The following SRP68 variants were observed in gnomAD, a reference collection of about 807,000 sequenced individuals.
SRP68 encodes signal recognition particle subunit SRP68.
A neutral mutation model predicts 82.2 loss-of-function variants in SRP68; 15 were observed. The observed-to-expected ratio is 0.18, with a 90% CI of 0.12 to 0.28. The LOEUF (loss-of-function observed/expected upper bound fraction) is 0.28. SRP68 is among the 10% of genes least tolerant of loss of function. SRP68 has a pLI of 1.00. For missense variants in SRP68, 595 were observed against 780.5 expected, an observed-to-expected ratio of 0.76 and a Z score of 2.83; for synonymous variants, 261 against 292.6, an observed-to-expected ratio of 0.89 and a Z score of 1.10.
At position 76,040,284 on chromosome 17, in the gene SRP68, A is replaced by T. The variant is rs1417576555; in HGVS notation, c.1656+135T>A. 4 of 837,372 alleles carry T rather than the reference A, an allele frequency of 4.8e-6. No homozygotes were observed. The Admixed American group carries it at 8.8e-5, about 18-fold the overall frequency. 51.9% of individuals were successfully genotyped at this position (837,372 alleles called of 1,614,324 possible). ...AGGAAGCTTTATGCAAGAAGCTTTG[A>T]GGTTGGGTAAGAGAAGGGAGGGAGG... On this transcript the variant is annotated intron_variant, in intron 15 of 15. Transcript: ENST00000307877.
chr17:76,070,345 A>G (rs757061184), intron 2 of SRP68, 33 bp downstream of exon 2: 24 of 1,581,702 alleles, frequency 1.5e-5, no homozygotes, highest in East Asian at 6.7e-5. Flanking sequence ...AAGTCCCACA[A>G]TGATTTCCAA....
chr17:76,044,553 C>A (rs1374745381), intron 12 of SRP68, among the ~76,000 whole-genome samples: 1 of 152,068 alleles, frequency 6.6e-6, no homozygotes, highest in Admixed American at 6.6e-5. Context: ...CTGGCTGGGC[C>A]CCATCGTGCT....
At chr17:76,063,762 A>G (rs2066787011) in intron 4 of SRP68, among the ~76,000 whole-genome samples, 1 of 152,150 alleles carries the variant, frequency 6.6e-6, no homozygotes, top group African/African-American at 2.4e-5. Flanking sequence ...ATTTTATGGA[A>G]TGAAGCGTTG....
chr17:76,060,995 T>C, intron 6 of SRP68, 115 bp downstream of exon 6: 1 of 729,210 alleles, frequency 1.4e-6, no homozygotes, highest in South Asian at 1.7e-5. Context: ...AGGTCAATGA[T>C]GGAGGCAAGC....
chr17:76,061,335 A>C (rs1598266921), intron 5 of SRP68, 116 bp from the exon 6 acceptor site: 1 of 947,262 alleles, frequency 1.1e-6, no homozygotes, highest in East Asian at 2.4e-5. Flanking sequence ...AACTACCATA[A>C]CTGGCATGTT....
At chr17:76,041,054 C>A in intron 13 of SRP68, 76 bp from the exon 14 acceptor site, 1 of 1,139,584 alleles carries the variant, frequency 8.8e-7, no homozygotes, top group South Asian at 1.3e-5. Context: ...CCGAGTTAAC[C>A]GACCCCACTG....
chr17:76,053,486 GT>G, intron 8 of SRP68: 1 of 985,306 alleles, frequency 1.0e-6, no homozygotes, highest in South Asian at 4.7e-5. Flanking sequence ...TGTCGGTAGG[GT>G]ACAGTTCAAG....
Position 76,064,100 on chromosome 17 carries a change from T to C in SRP68, c.437A>G (p.Asn146Ser). The change falls in exon 4 of 16, where the codon AAC becomes AGC. Residue 146 changes from asparagine to serine, a missense_variant. Asn to Ser is a conservative substitution (Grantham distance 46, BLOSUM62 1). Coordinates refer to ENST00000307877, the MANE Select transcript of SRP68 (RefSeq NM_014230.4). ...GTGAAACCGTTTTCGGGGTTCAGTG[T>C]TGGCTTCCTGTTTCAGCTGCATGGC... ...SYAMQLKQEA[N>S]TEPRKRFHLL... The C allele has an allele frequency of 1.9e-6, 3 of 1,614,248 alleles. No individual in the cohort carries two copies. Among genetic ancestry groups the C allele is most frequent in the East Asian group, 2.2e-5 (1 of 44,892 alleles).
At position 76,039,200 on chromosome 17, in the gene SRP68, T is replaced by A. The variant is rs757020999; in HGVS notation, c.*506A>T. ...ATAGAGCTCTCTGCTTGTCTGAAACTTCTTAGCGTTCACTGGGAGGTGAAG... is the reference window on the plus strand; with the variant it reads ...ATAGAGCTCTCTGCTTGTCTGAAACATCTTAGCGTTCACTGGGAGGTGAAG... On this transcript the variant is annotated 3_prime_UTR_variant, in exon 16 of 16. Coordinates refer to ENST00000307877, the MANE Select transcript of SRP68 (RefSeq NM_014230.4). 4 of 356,748 alleles carry A rather than the reference T, an allele frequency of 1.1e-5. No homozygotes were observed. The highest frequency in any genetic ancestry group is 8.5e-5 in the African/African-American group (4 of 47,070). The allele number at this position is 356,748 out of a possible 1,614,324, so 22.1% of individuals were successfully genotyped here.
intron 2 of SRP68, 139 bp downstream of exon 2, chr17:76,070,239 A>AAAAAAAAAAAG: frequency 1.4e-6 from 1 of 703,446 alleles, no homozygotes; most frequent in Non-Finnish European, 2.3e-6. Flanking sequence ...AAAAAAAAAA[A>AAAAAAAAAAAG]CAAAGCAAAC....
chr17:76,050,558 T>A, intron 8 of SRP68, 32 bp from the exon 9 acceptor site: 2 of 1,563,592 alleles, frequency 1.3e-6, no homozygotes, highest in Non-Finnish European at 1.8e-6. Flanking sequence ...TAAGAGACTT[T>A]CCTTTGAGCA....
At chr17:76,058,750 G>A (rs2066729796) in intron 7 of SRP68, among the ~76,000 whole-genome samples, 1 of 152,244 alleles carries the variant, frequency 6.6e-6, no homozygotes, top group African/African-American at 2.4e-5. Flanking sequence ...ACATTTGTCA[G>A]TATGTATCAA....
intron 7 of SRP68, 102 bp downstream of exon 7, chr17:76,060,206 T>C (rs2066742797): frequency 4.2e-6 from 2 of 477,412 alleles, no homozygotes; most frequent in South Asian, 3.5e-5. Flanking sequence ...AATACAGATA[T>C]AAATATCCAT....
chr17:76,039,956 G>T (rs528831884), intron 15 of SRP68, 23 bp from the exon 16 acceptor site: 1 of 1,610,374 alleles, frequency 6.2e-7, no homozygotes, highest in African/African-American at 1.3e-5. Context: ...TCAAAGAGAC[G>T]TATGTAGCAT....
chr17:76,065,883 C>T (rs1184716376), intron 3 of SRP68, among the ~76,000 whole-genome samples: 1 of 151,422 alleles, frequency 6.6e-6, no homozygotes, highest in Non-Finnish European at 1.5e-5. Context: ...CAATGAGGTT[C>T]AAGGACCATG....
intron 8 of SRP68, among the ~76,000 whole-genome samples, chr17:76,054,163 C>T (rs1383680587): frequency 6.6e-6 from 1 of 152,234 alleles, no homozygotes; most frequent in African/African-American, 2.4e-5. Context: ...GTCTCAGGTT[C>T]TCTCGTCAGG....
chr17:76,064,870 T>C (rs1305476236), intron 3 of SRP68, among the ~76,000 whole-genome samples: 1 of 145,564 alleles, frequency 6.9e-6, no homozygotes, highest in Non-Finnish European at 1.5e-5. Context: ...AGAGGCAGTA[T>C]ATTAAAGTGG....
intron 8 of SRP68, among the ~76,000 whole-genome samples, chr17:76,052,273 A>G (rs2066678623): frequency 1.3e-5 from 2 of 152,146 alleles, no homozygotes; most frequent in Admixed American, 1.3e-4. Flanking sequence ...TTTATAGAAT[A>G]TTGTTGGCCG....
intron 3 of SRP68, among the ~76,000 whole-genome samples, chr17:76,064,731 C>T (rs1375357621): frequency 1.3e-5 from 2 of 150,380 alleles, no homozygotes; most frequent in Non-Finnish European, 2.9e-5. Context: ...ATCCCAGCTA[C>T]TTGGGAGGCT....
Sources: allele counts gnomAD v4.1 joint callset (sites outside exome capture counted in the v4.1 genomes callset), GRCh38; gene constraint gnomAD v4.1.1; transcripts MANE v1.5; gene names NCBI Gene and HGNC (gene_info 2026-07-23, HGNC 2026-07-21).